ITGAV: variants seen among roughly 807,000 people sequenced by gnomAD.
The protein encoded by ITGAV is integrin subunit alpha V.
In ITGAV, 76 loss-of-function variants were observed where a neutral mutation model predicts 143.8. That is an observed-to-expected ratio of 0.53 (90% CI 0.44 to 0.64). The LOEUF is 0.64. ITGAV is among the 30% of genes least tolerant of loss of function. The pLI is 0.00. For synonymous variants in ITGAV, 453 were observed against 446.7 expected, an observed-to-expected ratio of 1.01 and a Z score of -0.18; for missense variants, 1,193 against 1,274.7, an observed-to-expected ratio of 0.94 and a Z score of 0.98.
chr2:186,604,079 C>G (rs1344261441), intron 2 of ITGAV, among the ~76,000 whole-genome samples: 1 of 151,720 alleles, frequency 6.6e-6, no homozygotes, highest in Non-Finnish European at 1.5e-5. Flanking sequence ...CCATATTGCC[C>G]AGGCTGGTCT....
At chr2:186,612,376 T>C (rs915293617) in intron 2 of ITGAV, among the ~76,000 whole-genome samples, 1 of 151,966 alleles carries the variant, frequency 6.6e-6, no homozygotes, top group African/African-American at 2.4e-5. Context: ...TTAATTTTTT[T>C]TTTTTTTTAA....
chr2:186,615,279 T>C (rs62197748), intron 2 of ITGAV, among the ~76,000 whole-genome samples: 10,837 of 152,172 alleles, frequency 0.071, 411 homozygotes, highest in South Asian at 0.11. Flanking sequence ...TGTGCAAATC[T>C]TTGTGGGGAC....
intron 10 of ITGAV, among the ~76,000 whole-genome samples, chr2:186,640,106 C>T (rs1331588351): frequency 5.3e-5 from 8 of 152,164 alleles, no homozygotes; most frequent in Admixed American, 1.3e-4. Context: ...GGTTTGTTGA[C>T]TCATTTTTCA....
Position 186,676,863 on chromosome 2 carries a change from T to G in ITGAV, c.2979T>G (p.Pro993=), listed in dbSNP as rs1056420518. The G allele has an allele frequency of 1.2e-6, 2 of 1,614,134 alleles. No homozygotes were observed. The highest frequency in any genetic ancestry group is 1.7e-6 in the Non-Finnish European group (2 of 1,179,978). ...WGIQPAPMPV[P]VWVIILAVLA... ...TTCAGCCAGCGCCCATGCCTGTGCC[T>G]GTGTGGGTGATCATTTTAGCAGTTC... is the stretch of plus-strand genomic sequence containing the variant. Residue 993 remains proline, a synonymous_variant, in exon 29 of 30, where the codon CCT becomes CCG. Transcript: ENST00000261023.
chr2:186,605,237 G>A (rs1406953952), intron 2 of ITGAV, among the ~76,000 whole-genome samples: 1 of 152,146 alleles, frequency 6.6e-6, no homozygotes, highest in African/African-American at 2.4e-5. Flanking sequence ...ATGACCAGGG[G>A]ATTAAAACAA....
chr2:186,590,426 G>A lies in ITGAV; in HGVS notation c.88G>A (p.Ala30Thr). ...LSGLLLPLCR[A>T]FNLDVDSPAE... ...GGGACTCCTGCTACCTCTGTGCCGC[G>A]CCTTCAACCTAGACGTGGACAGTCC... Residue 30 changes from alanine to threonine, a missense_variant, in exon 1 of 30, where the codon GCC (alanine) becomes ACC (threonine). Transcript: ENST00000261023. 6.2e-7 allele frequency: 1 copy of A among 1,613,080 alleles called. No homozygotes were observed. The highest frequency in any genetic ancestry group is 8.5e-7 in the Non-Finnish European group (1 of 1,179,830).
chr2:186,595,491 T>C (rs1447924503), intron 1 of ITGAV, among the ~76,000 whole-genome samples: 3 of 152,180 alleles, frequency 2.0e-5, no homozygotes, highest in Non-Finnish European at 4.4e-5. Flanking sequence ...TCCCTCTGTA[T>C]CGCTCTCTCT....
At chr2:186,609,603 G>A (rs1314002556) in intron 2 of ITGAV, among the ~76,000 whole-genome samples, 2 of 152,096 alleles carry the variant, frequency 1.3e-5, no homozygotes, top group Middle Eastern at 3.2e-3. Context: ...GGCATAACTG[G>A]AAAGTATCTA....
intron 10 of ITGAV, among the ~76,000 whole-genome samples, chr2:186,639,973 A>T (rs1688056541): frequency 6.6e-6 from 1 of 152,164 alleles, no homozygotes. Context: ...TACAGAACAC[A>T]CCTTTCATTT....
intron 17 of ITGAV, among the ~76,000 whole-genome samples, chr2:186,657,067 C>T (rs1688612131): frequency 6.6e-6 from 1 of 151,634 alleles, no homozygotes; most frequent in African/African-American, 2.4e-5. Flanking sequence ...CCACAAAGAC[C>T]AGCTACAGAG....
In ITGAV at chr2:186,649,981, T is replaced by G. The variant is rs1489236516; in HGVS notation, c.1397+96T>G. 1.3e-5 allele frequency: 10 copies of G among 788,642 alleles called. 1 individual carries two copies. The East Asian group carries it at 1.9e-4, about 15-fold the overall frequency. 48.9% of individuals were successfully genotyped at this position (788,642 alleles called of 1,614,324 possible). A position where few individuals can be genotyped will look rare whatever the true frequency, so the allele number is the denominator to read the frequency against. On this transcript the variant is annotated intron_variant, in intron 14 of 29. Coordinates refer to ENST00000261023, the MANE Select transcript of ITGAV (RefSeq NM_002210.5). The stretch of plus-strand genomic sequence containing the variant: ...GTGTTTGAATTTTAGTTTAATTTTC[T>G]TGAAATAATGATAAAATTTGCTCTT...
At chr2:186,665,552 A>T (rs1297224559) in intron 21 of ITGAV, among the ~76,000 whole-genome samples, 1 of 152,188 alleles carries the variant, frequency 6.6e-6, no homozygotes, top group South Asian at 2.1e-4. Flanking sequence ...CTACTCTGGC[A>T]ACTACCAAGA....
chr2:186,664,813 A>G (rs1319766188), intron 20 of ITGAV, among the ~76,000 whole-genome samples, 172 bp downstream of exon 20: 8 of 152,204 alleles, frequency 5.3e-5, no homozygotes, highest in Non-Finnish European at 1.2e-4. Context: ...TACTTTGCAT[A>G]ATGCATTGAT....
chr2:186,621,907 A>G (rs1169736481), intron 2 of ITGAV, among the ~76,000 whole-genome samples: 1 of 152,190 alleles, frequency 6.6e-6, no homozygotes, highest in African/African-American at 2.4e-5. Flanking sequence ...GTTATGTCTT[A>G]GGCACACGTC....
rs201615282 is a variant in ITGAV, at chr2:186,652,095, G to A, written c.1505+6G>A. On this transcript the variant is annotated splice_donor_region_variant and intron_variant, in intron 15 of 29. Coordinates refer to ENST00000261023, the MANE Select transcript of ITGAV (RefSeq NM_002210.5). ...ACAGCTCTCAAAGTTTCCTGGTAAG[G>A]GTATTTGTTTAATAATAGTTATTAT... The A allele has an allele frequency of 5.0e-5, 76 of 1,523,288 alleles. No individual in the cohort carries two copies. Among genetic ancestry groups the A allele is most frequent in the Non-Finnish European group, 5.8e-5 (64 of 1,099,874 alleles). 94.4% of individuals were successfully genotyped at this position (1,523,288 alleles called of 1,614,324 possible). A position where few individuals can be genotyped will look rare whatever the true frequency, so the allele number is the denominator to read the frequency against.
chr2:186,638,526 A>G, intron 10 of ITGAV, 61 bp downstream of exon 10: 1 of 1,305,546 alleles, frequency 7.7e-7, no homozygotes, highest in Non-Finnish European at 1.1e-6. Context: ...CTCATTGGAG[A>G]AAATTTGCGA....
Position 186,641,377 on chromosome 2 carries a change from T to C in ITGAV, c.957-9T>C. 1.2e-6 allele frequency: 2 copies of C among 1,610,454 alleles called. No individual in the cohort carries two copies. The highest frequency in any genetic ancestry group is 1.1e-5 in the South Asian group (1 of 90,852). On this transcript the variant is annotated splice_polypyrimidine_tract_variant and intron_variant, in intron 11 of 29. Coordinates refer to ENST00000261023, the MANE Select transcript of ITGAV (RefSeq NM_002210.5). Reference sequence around the variant, plus strand: ...TTCTTGCTTTGGTGAGAAGTTTCTGTTCTTCTAGTTATGCAGATGTGTTTA... The same window carrying C: ...TTCTTGCTTTGGTGAGAAGTTTCTGCTCTTCTAGTTATGCAGATGTGTTTA...
At chr2:186,670,468 GT>G (rs1689035131) in intron 26 of ITGAV, among the ~76,000 whole-genome samples, 1 of 151,932 alleles carries the variant, frequency 6.6e-6, no homozygotes, top group South Asian at 2.1e-4. Context: ...GCCCAGCTAA[GT>G]TTTGTATTTT....
At chr2:186,594,555 C>G (rs566601750) in intron 1 of ITGAV, among the ~76,000 whole-genome samples, 1 of 152,172 alleles carries the variant, frequency 6.6e-6, no homozygotes, top group Non-Finnish European at 1.5e-5. Context: ...GGCTCTTAAA[C>G]GTGCAGAACA....
Sources: allele counts gnomAD v4.1 joint callset (sites outside exome capture counted in the v4.1 genomes callset), GRCh38; gene constraint gnomAD v4.1.1; transcripts MANE v1.5; gene names NCBI Gene and HGNC (gene_info 2026-07-23, HGNC 2026-07-21).